The following ELK3 variants were observed in gnomAD, a reference collection of about 807,000 sequenced individuals.
The protein encoded by ELK3 is ETS domain-containing protein Elk-3.
ELK3 carries 10 observed loss-of-function variants against 28.9 expected under a neutral mutation model. The ratio of observed to expected loss-of-function variants is 0.35; its 90% CI spans 0.21 to 0.59. ELK3 has a LOEUF of 0.59. ELK3 is among the 20% of genes least tolerant of loss of function. The probability of loss-of-function intolerance (pLI) is 0.82; values close to 1 mark genes in which losing one functional copy is unlikely to be tolerated. For synonymous variants in ELK3, 272 were observed against 243.5 expected (o/e 1.12, Z -1.09); for missense variants, 463 against 517.3 (o/e 0.90, Z 1.02).
intron 1 of ELK3, among the ~76,000 whole-genome samples, chr12:96,211,083 C>T (rs751045526): frequency 3.9e-5 from 6 of 152,180 alleles, no homozygotes; most frequent in Non-Finnish European, 7.3e-5. Context: ...AGTCATAGTT[C>T]CTCGTGGGCA....
rs12309851 is a variant in ELK3, at chr12:96,210,152, G to A, written c.-2-13413G>A. 4.4e-3 allele frequency among the ~76,000 whole-genome samples: 664 copies of A among 152,246 alleles called. 6 individuals carry two copies. Among genetic ancestry groups the A allele is most frequent in the African/African-American group, 0.015 (613 of 41,518 alleles). The stretch of plus-strand genomic sequence containing the variant: ...TAGTATGAGGGTCGGGGGGCCAGAT[G>A]CCCACTGGGGATTTGAGAGCTCATT... On this transcript the variant is annotated intron_variant, in intron 1 of 4. Coordinates refer to ENST00000228741, the MANE Select transcript of ELK3 (RefSeq NM_005230.4).
At chr12:96,196,073 C>A (rs1372609522) in intron 1 of ELK3, among the ~76,000 whole-genome samples, 1 of 152,138 alleles carries the variant, frequency 6.6e-6, no homozygotes, top group East Asian at 1.9e-4. Context: ...CTGGCTGCTG[C>A]AGGAAGAGAG....
In ELK3 at chr12:96,269,641, T is replaced by C. The variant is rs568647231; in HGVS notation, c.*2461T>C. The C allele has an allele frequency of 6.6e-6, 1 of 152,340 alleles. No homozygotes were observed. The highest frequency in any genetic ancestry group is 2.4e-5 in the African/African-American group (1 of 41,574). The allele number at this position is 152,340 out of a possible 1,614,324, so 9.4% of individuals were successfully genotyped here. ...TAGGTTTCAAAGAACATTAATGACT[T>C]TCTTTTCCCTTTTATGTCTGCTTAA... On this transcript the variant is annotated 3_prime_UTR_variant, in exon 5 of 5. Coordinates refer to ENST00000228741, the MANE Select transcript of ELK3 (RefSeq NM_005230.4).
intron 3 of ELK3, among the ~76,000 whole-genome samples, chr12:96,250,876 T>C (rs1244002198): frequency 5.3e-5 from 8 of 152,044 alleles, no homozygotes; most frequent in African/African-American, 1.9e-4. Context: ...ATTCCGAAGG[T>C]TGGTTATTTC....
intron 1 of ELK3, among the ~76,000 whole-genome samples, chr12:96,214,604 A>G (rs1272619885): frequency 2.6e-5 from 4 of 152,224 alleles, no homozygotes; most frequent in East Asian, 1.9e-4. Flanking sequence ...AGCTTGGGAG[A>G]CATGAAGTTG....
At chr12:96,223,142 G>A (rs905454783) in intron 1 of ELK3, among the ~76,000 whole-genome samples, 2 of 152,138 alleles carry the variant, frequency 1.3e-5, no homozygotes, top group East Asian at 1.9e-4. Flanking sequence ...ATGAGATTTG[G>A]GCGGGGCACA....
At chr12:96,226,891 G>A (rs1951706214) in intron 2 of ELK3, among the ~76,000 whole-genome samples, 2 of 152,140 alleles carry the variant, frequency 1.3e-5, no homozygotes, top group African/African-American at 4.8e-5. Context: ...TGGAGAAGGA[G>A]GAAGAAGAGG....
chr12:96,254,309 A>G (rs969115411), intron 3 of ELK3, among the ~76,000 whole-genome samples: 1 of 152,218 alleles, frequency 6.6e-6, no homozygotes, highest in Non-Finnish European at 1.5e-5. Flanking sequence ...TGGGTGACAG[A>G]GTGAGATTCT....
At chr12:96,220,470 C>G (rs906895578) in intron 1 of ELK3, among the ~76,000 whole-genome samples, 1 of 150,224 alleles carries the variant, frequency 6.7e-6, no homozygotes, top group African/African-American at 2.5e-5. Flanking sequence ...TTACTGCAAC[C>G]TCTGCCTCCT....
intron 2 of ELK3, among the ~76,000 whole-genome samples, chr12:96,246,640 G>A (rs376767991): frequency 2.6e-5 from 4 of 152,146 alleles, no homozygotes; most frequent in Admixed American, 6.5e-5. Context: ...CAGCCTGTGC[G>A]ACAGAGTGAG....
At position 96,259,807 on chromosome 12, in the gene ELK3, C is replaced by G. The variant is rs1307686025; in HGVS notation, c.1079C>G (p.Ala360Gly). 51 of 1,610,046 alleles carry G rather than the reference C, an allele frequency of 3.2e-5. No homozygotes were observed. The highest frequency in any genetic ancestry group is 4.3e-5 in the Non-Finnish European group (51 of 1,178,834). The change falls in exon 4 of 5, where the codon GCT becomes GGT. Residue 360 changes from alanine to glycine, a missense_variant. By Grantham distance (60) the Ala-to-Gly change is moderately conservative (BLOSUM62 0). Around this residue, in one of 2 missense-constraint regions of ELK3, gnomAD observed 408 missense variants for 414.8 expected, o/e 0.98. Coordinates refer to ENST00000228741, the MANE Select transcript of ELK3 (RefSeq NM_005230.4). ...IHFWSSLSPV[A>G]PLSPARLQGP... ...TTCTGGAGCAGCCTTAGTCCAGTTGCTCCGCTGAGTCCTGCCAGGCTGCAA... is the reference window on the plus strand; with the variant it reads ...TTCTGGAGCAGCCTTAGTCCAGTTGGTCCGCTGAGTCCTGCCAGGCTGCAA...
Position 96,269,241 on chromosome 12 carries a change from C to A in ELK3, c.*2061C>A, listed in dbSNP as rs1284339181. 1 of 152,172 alleles carries A rather than the reference C, an allele frequency of 6.6e-6. No homozygotes were observed. The highest frequency in any genetic ancestry group is 1.5e-5 in the Non-Finnish European group (1 of 68,032). 9.4% of individuals were successfully genotyped at this position (152,172 alleles called of 1,614,324 possible). On this transcript the variant is annotated 3_prime_UTR_variant, in exon 5 of 5. Transcript: ENST00000228741. ...GTAAAACAAACAAAACAGATAAAGA[C>A]AGCATTTAAAACTGTGTTGTCAGAT...
chr12:96,209,649 T>G (rs1476985493), intron 1 of ELK3, among the ~76,000 whole-genome samples: 1 of 152,232 alleles, frequency 6.6e-6, no homozygotes, highest in Non-Finnish European at 1.5e-5. Context: ...TAAATAAACA[T>G]TTTCTTACAT....
intron 2 of ELK3, among the ~76,000 whole-genome samples, chr12:96,243,904 G>T (rs1273342908): frequency 2.0e-5 from 3 of 151,056 alleles, no homozygotes. Context: ...TGCTTGGGAG[G>T]CTGGGGCAGA....
At chr12:96,234,776 A>T (rs1392386306) in intron 2 of ELK3, among the ~76,000 whole-genome samples, 2 of 152,156 alleles carry the variant, frequency 1.3e-5, no homozygotes, top group African/African-American at 4.8e-5. Flanking sequence ...CACGGACTCA[A>T]GATGCAGCAG....
At chr12:96,196,747 GTTT>G (rs56206854) in intron 1 of ELK3, among the ~76,000 whole-genome samples, 52,807 of 137,170 alleles carry the variant, frequency 0.38, 9,973 homozygotes, top group South Asian at 0.52. Flanking sequence ...CTCTAAAAGT[GTTT>G]TTTTTTTTTT....
In ELK3 at chr12:96,194,551, A is replaced by G. The variant is rs1170319517; in HGVS notation, c.-157A>G. ...CTCACACACACCAGAGGGGAAAAAAAAAGAGGAGCGAGAGAAAGAAAAAAA... is the reference window on the plus strand; with the variant it reads ...CTCACACACACCAGAGGGGAAAAAAGAAGAGGAGCGAGAGAAAGAAAAAAA... On this transcript the variant is annotated 5_prime_UTR_variant, in exon 1 of 5. Coordinates refer to ENST00000228741, the MANE Select transcript of ELK3 (RefSeq NM_005230.4). The G allele has an allele frequency of 1.3e-5, 2 of 150,392 alleles. No homozygotes were observed. The highest frequency in any genetic ancestry group is 4.8e-5 in the African/African-American group (2 of 41,298). 9.3% of individuals were successfully genotyped at this position (150,392 alleles called of 1,614,324 possible). A position where few individuals can be genotyped will look rare whatever the true frequency, so the allele number is the denominator to read the frequency against.
intron 3 of ELK3, among the ~76,000 whole-genome samples, chr12:96,259,383 C>G (rs1244904028): frequency 6.6e-6 from 1 of 152,102 alleles, no homozygotes; most frequent in Non-Finnish European, 1.5e-5. Context: ...GAAACCCCTT[C>G]TCTACTAAAA....
intron 1 of ELK3, among the ~76,000 whole-genome samples, chr12:96,204,323 C>G (rs1241423089): frequency 2.0e-5 from 3 of 152,066 alleles, no homozygotes; most frequent in Non-Finnish European, 1.5e-5. Context: ...TATAGAAAAC[C>G]TGTGTGTGTA....
Sources: allele counts gnomAD v4.1 joint callset (sites outside exome capture counted in the v4.1 genomes callset), GRCh38; gene constraint gnomAD v4.1.1; regional missense constraint gnomAD v4.1.1; transcripts MANE v1.5; gene names NCBI Gene and HGNC (gene_info 2026-07-23, HGNC 2026-07-21).